The following CCBE1 variants were observed in gnomAD, a reference collection of about 807,000 sequenced individuals.
CCBE1 encodes collagen and calcium-binding EGF domain-containing protein 1.
In CCBE1, 37 loss-of-function variants were observed where a neutral mutation model predicts 50.0. The ratio of observed to expected loss-of-function variants is 0.74; its 90% confidence interval spans 0.57 to 0.97. The LOEUF is 0.97. Among genes scored for constraint, CCBE1 ranks in the 50% least tolerant of loss-of-function variants. CCBE1 has a pLI of 0.00. For synonymous variants in CCBE1, 234 were observed against 203.7 expected, an observed-to-expected ratio of 1.15 and a Z score of -1.27; for missense variants, 538 against 523.8, an observed-to-expected ratio of 1.03 and a Z score of -0.26.
At chr18:59,543,296 C>G (rs1334766064) in intron 2 of CCBE1, among the ~76,000 whole-genome samples, 1 of 152,186 alleles carries the variant, frequency 6.6e-6, no homozygotes, top group African/African-American at 2.4e-5. Context: ...CTGTGCCAGG[C>G]CTCTGCAAAC....
intron 2 of CCBE1, among the ~76,000 whole-genome samples, chr18:59,512,097 G>A (rs771414830): frequency 3.6e-4 from 55 of 152,352 alleles, no homozygotes; most frequent in Non-Finnish European, 5.4e-4. Flanking sequence ...AAGAGCTACA[G>A]TAGCGGTGTG....
chr18:59,454,817 C>T (rs1911105053), intron 6 of CCBE1, 34 bp downstream of exon 6: 2 of 1,557,078 alleles, frequency 1.3e-6, no homozygotes, highest in Non-Finnish European at 1.8e-6. Flanking sequence ...CTCCTTCCAT[C>T]AGGCATCATC....
intron 2 of CCBE1, among the ~76,000 whole-genome samples, chr18:59,558,771 C>T (rs1159105408): frequency 1.3e-5 from 2 of 152,134 alleles, no homozygotes; most frequent in Non-Finnish European, 2.9e-5. Flanking sequence ...AGCTGCTGAC[C>T]CTGAAGGCAA....
chr18:59,446,132 C>G (rs529901543), intron 7 of CCBE1, among the ~76,000 whole-genome samples: 9 of 152,358 alleles, frequency 5.9e-5, no homozygotes, highest in Admixed American at 5.9e-4. Flanking sequence ...AAGGCCGGGT[C>G]TGTTGCAAAA....
At chr18:59,463,284 C>A (rs910790562) in intron 5 of CCBE1, among the ~76,000 whole-genome samples, 2 of 152,138 alleles carry the variant, frequency 1.3e-5, no homozygotes, top group South Asian at 2.1e-4. Flanking sequence ...GCACTCTGAC[C>A]CACAGCAATC....
intron 2 of CCBE1, among the ~76,000 whole-genome samples, chr18:59,509,801 G>A (rs1914050844): frequency 7.0e-6 from 1 of 142,502 alleles, no homozygotes; most frequent in African/African-American, 2.7e-5. Context: ...TTTTAGATCG[G>A]GCTGATTTAC....
At chr18:59,498,116 G>A (rs1464823911) in intron 2 of CCBE1, among the ~76,000 whole-genome samples, 2 of 152,120 alleles carry the variant, frequency 1.3e-5, no homozygotes, top group African/African-American at 2.4e-5. Flanking sequence ...ATCTCCTCAC[G>A]TTCTAACTCC....
intron 5 of CCBE1, chr18:59,462,582 T>A (rs1401046952): frequency 2.6e-5 from 4 of 152,096 alleles, no homozygotes; most frequent in Non-Finnish European, 4.4e-5. Context: ...AGAGATGGGG[T>A]CTCACTATGT....
intron 2 of CCBE1, among the ~76,000 whole-genome samples, chr18:59,480,866 C>T (rs1224750792): frequency 6.6e-6 from 1 of 152,006 alleles, no homozygotes; most frequent in African/African-American, 2.4e-5. Context: ...ATACTTACTC[C>T]ACTTCAACCA....
chr18:59,507,371 G>C (rs34244210), intron 2 of CCBE1, among the ~76,000 whole-genome samples: 1 of 152,112 alleles, frequency 6.6e-6, no homozygotes, highest in Non-Finnish European at 1.5e-5. Context: ...TGGCAAATAA[G>C]CTCTGAGCTG....
chr18:59,556,788 C>T (rs1159976808), intron 2 of CCBE1, among the ~76,000 whole-genome samples: 1 of 152,200 alleles, frequency 6.6e-6, no homozygotes, highest in East Asian at 1.9e-4. Flanking sequence ...AAGAGGTATT[C>T]CGTACAAGTC....
intron 2 of CCBE1, among the ~76,000 whole-genome samples, chr18:59,565,757 T>A (rs1294524169): frequency 2.8e-5 from 4 of 144,474 alleles, no homozygotes; most frequent in East Asian, 3.9e-4. Context: ...GTCACTAGAT[T>A]TTTTTTTTTT....
chr18:59,532,618 A>C (rs1423772914), intron 2 of CCBE1, among the ~76,000 whole-genome samples: 1 of 152,156 alleles, frequency 6.6e-6, no homozygotes. Flanking sequence ...TCATCCTCAA[A>C]ATCCTATGAT....
chr18:59,611,981 G>A (rs904760397), intron 2 of CCBE1, among the ~76,000 whole-genome samples: 1 of 152,172 alleles, frequency 6.6e-6, no homozygotes, highest in Non-Finnish European at 1.5e-5. Context: ...ACTCAGAAGT[G>A]ACATGCTGCT....
chr18:59,531,485 T>C (rs1303039891), intron 2 of CCBE1, among the ~76,000 whole-genome samples: 2 of 152,116 alleles, frequency 1.3e-5, no homozygotes, highest in African/African-American at 2.4e-5. Flanking sequence ...AGACACCTAC[T>C]ATGAATTTCA....
At chr18:59,581,517 C>T (rs2053084022) in intron 2 of CCBE1, among the ~76,000 whole-genome samples, 1 of 152,030 alleles carries the variant, frequency 6.6e-6, no homozygotes, top group South Asian at 2.1e-4. Context: ...CTAACAGACC[C>T]TAGTTTGGAA....
intron 2 of CCBE1, among the ~76,000 whole-genome samples, chr18:59,552,324 T>G (rs1915958868): frequency 6.6e-6 from 1 of 152,244 alleles, no homozygotes; most frequent in African/African-American, 2.4e-5. Flanking sequence ...TCCCCCAGGA[T>G]GTTCACGCCT....
intron 2 of CCBE1, among the ~76,000 whole-genome samples, chr18:59,695,142 G>A (rs940652710): frequency 4.6e-5 from 7 of 152,170 alleles, no homozygotes; most frequent in African/African-American, 1.4e-4. Context: ...TGTGAAGTCC[G>A]ACCTTCAGGG....
At chr18:59,611,676 G>A (rs1228404054) in intron 2 of CCBE1, among the ~76,000 whole-genome samples, 2 of 152,150 alleles carry the variant, frequency 1.3e-5, no homozygotes, top group African/African-American at 4.8e-5. Context: ...AACCAGGGAG[G>A]CTGAGGTTGC....
Sources: allele counts gnomAD v4.1 joint callset (sites outside exome capture counted in the v4.1 genomes callset), GRCh38; gene constraint gnomAD v4.1.1; transcripts MANE v1.5; gene names NCBI Gene and HGNC (gene_info 2026-07-23, HGNC 2026-07-21).